The following ZMYND8 variants were observed in gnomAD, a reference collection of about 807,000 sequenced individuals.
The protein encoded by ZMYND8 is zinc finger MYND-type containing 8.
ZMYND8 carries 37 observed loss-of-function variants against 140.8 expected under a neutral mutation model. The ratio of observed to expected loss-of-function variants is 0.26; its 90% CI spans 0.20 to 0.35. The LOEUF is 0.35. ZMYND8 is among the 10% of genes least tolerant of loss of function. The pLI is 1.00. For synonymous variants in ZMYND8, 592 were observed against 597.1 expected, an observed-to-expected ratio of 0.99 and a Z score of 0.12; for missense variants, 1,068 against 1,570.0, an observed-to-expected ratio of 0.68 and a Z score of 5.40.
Position 47,294,704 on chromosome 20 carries a change from G to A in ZMYND8, c.529C>T (p.Leu177=). ...ATTTTCTGAATGGCAAACTTGAGCA[G>A]GTAGGATAACTGTTCAATGGTGAGC... ...TMLTIEQLSY[L]LKFAIQKMKQ... is the part of the protein sequence containing the mutation. The change falls in exon 5 of 23, where the codon CTG becomes TTG. Residue 177 remains leucine, a synonymous_variant. Coordinates refer to ENST00000471951, the MANE Select transcript of ZMYND8 (RefSeq NM_001281775.3). 6.2e-7 allele frequency: 1 copy of A among 1,614,164 alleles called. No individual in the cohort carries two copies. Among genetic ancestry groups the A allele is most frequent in the Non-Finnish European group, 8.5e-7 (1 of 1,180,020 alleles).
intron 2 of ZMYND8, among the ~76,000 whole-genome samples, chr20:47,317,597 G>T (rs1024398383): frequency 3.9e-5 from 6 of 152,240 alleles, no homozygotes; most frequent in African/African-American, 1.4e-4. Context: ...GCTGGGGCCT[G>T]AACGAAAAGA....
chr20:47,268,029 G>C (rs563960921), intron 11 of ZMYND8, among the ~76,000 whole-genome samples: 2 of 152,296 alleles, frequency 1.3e-5, no homozygotes, highest in East Asian at 3.9e-4. Flanking sequence ...GATCTGCGCT[G>C]GCCAGCAGGC....
intron 21 of ZMYND8, among the ~76,000 whole-genome samples, chr20:47,215,991 C>A (rs1395126462): frequency 2.0e-5 from 3 of 152,148 alleles, no homozygotes; most frequent in African/African-American, 7.2e-5. Context: ...AGAAATCTGG[C>A]TACAACAAAG....
In ZMYND8 at chr20:47,224,502, A is replaced by C; in HGVS notation, c.3071T>G (p.Ile1024Ser). 6.2e-7 allele frequency: 1 copy of C among 1,614,138 alleles called. No individual in the cohort carries two copies. The highest frequency in any genetic ancestry group is 8.5e-7 in the Non-Finnish European group (1 of 1,180,034). Residue 1024 changes from isoleucine (I) to serine (S), a missense_variant, in exon 19 of 23, where the codon ATC becomes AGC. Physicochemically the swap from Ile to Ser is moderately radical, Grantham distance 142. Around this residue, in one of 10 missense-constraint regions of ZMYND8, gnomAD observed 87 missense variants for 151.1 expected, o/e 0.58. Transcript: ENST00000471951. ...CTCCAGCTGCTTCTTCACCTCGGCG[A>C]TGAGCCGGTCCCGCTCCTGCTCCAG... ...QSLEQERDRL[I>S]AEVKKQLELE...
At chr20:47,300,884 TTGTGTGTG>T (rs200833449) in intron 3 of ZMYND8, among the ~76,000 whole-genome samples, 11,914 of 130,298 alleles carry the variant, frequency 0.091, 640 homozygotes, top group Non-Finnish European at 0.13. Context: ...ACAACTAATT[TTGTGTGTG>T]TGTGTGTGTG....
intron 1 of ZMYND8, among the ~76,000 whole-genome samples, chr20:47,350,624 A>G (rs998736301): frequency 3.3e-5 from 5 of 151,130 alleles, no homozygotes; most frequent in Non-Finnish European, 7.4e-5. Context: ...CATTTGGGGG[A>G]AAAAAAACAG....
chr20:47,253,519 A>G (rs2074354121), intron 12 of ZMYND8, among the ~76,000 whole-genome samples: 1 of 145,226 alleles, frequency 6.9e-6, no homozygotes, highest in Non-Finnish European at 1.5e-5. Context: ...CCTGGGCAAC[A>G]GAATGAGACT....
intron 21 of ZMYND8, 131 bp from the exon 22 acceptor site, chr20:47,212,856 A>C: frequency 1.3e-6 from 1 of 746,478 alleles, no homozygotes; most frequent in Non-Finnish European, 2.2e-6. Context: ...CATTCATGTC[A>C]CCATTGTCCA....
At chr20:47,216,187 A>G (rs1268638263) in intron 21 of ZMYND8, among the ~76,000 whole-genome samples, 1 of 152,074 alleles carries the variant, frequency 6.6e-6, no homozygotes, top group African/African-American at 2.4e-5. Context: ...TAAAAACAAA[A>G]AACTTGGGTC....
At chr20:47,244,198 A>G (rs1338056885) in intron 14 of ZMYND8, among the ~76,000 whole-genome samples, 1 of 152,210 alleles carries the variant, frequency 6.6e-6, no homozygotes, top group Non-Finnish European at 1.5e-5. Context: ...ATGGAGTTAC[A>G]TCTTATTCAA....
chr20:47,310,998 A>G (rs2078889095), intron 2 of ZMYND8, among the ~76,000 whole-genome samples: 1 of 152,194 alleles, frequency 6.6e-6, no homozygotes, highest in Non-Finnish European at 1.5e-5. Context: ...CGACTTGTCC[A>G]TGCCCATGCC....
At chr20:47,340,714 G>A (rs933462186) in intron 2 of ZMYND8, among the ~76,000 whole-genome samples, 3 of 151,894 alleles carry the variant, frequency 2.0e-5, no homozygotes, top group African/African-American at 7.3e-5. Flanking sequence ...TTGAACCCGG[G>A]AAATGAAGGT....
At chr20:47,312,312 T>C (rs2148239036) in intron 2 of ZMYND8, among the ~76,000 whole-genome samples, 1 of 152,254 alleles carries the variant, frequency 6.6e-6, no homozygotes, top group East Asian at 1.9e-4. Context: ...AGGAAGACAA[T>C]GAACACTTTC....
Position 47,345,776 on chromosome 20 carries a change from T to G in ZMYND8, c.85+2080A>C, listed in dbSNP as rs551579814. On this transcript the variant is annotated intron_variant, in intron 2 of 22. Transcript: ENST00000471951. Reference sequence around the variant, plus strand: ...CACCCGCCTCGCCCTCCCAAAGTGCTAAGATTACAGGCGTGAGCCAACGCA... The same window carrying G: ...CACCCGCCTCGCCCTCCCAAAGTGCGAAGATTACAGGCGTGAGCCAACGCA... Among the ~76,000 whole-genome samples, 9 of 144,202 alleles carry G rather than the reference T, an allele frequency of 6.2e-5. No homozygotes were observed. In the South Asian group the frequency reaches 1.9e-3, roughly 31 times the overall value. The allele number at this position is 144,202 out of a possible 152,430, so 94.6% of individuals were successfully genotyped here.
chr20:47,279,652 T>A (rs1261190606), intron 10 of ZMYND8, among the ~76,000 whole-genome samples: 1 of 152,102 alleles, frequency 6.6e-6, no homozygotes, highest in East Asian at 1.9e-4. Flanking sequence ...CTAGGCACTC[T>A]CTGACCTTAA....
Position 47,245,684 on chromosome 20 carries a change from A to T in ZMYND8, c.2284+324T>A, listed in dbSNP as rs1399374973. ...AAATAAATGAGCATATTGGAAAAGAAGCTGCTCAGACTAAAAATGACTTGG... is the reference window on the plus strand; with the variant it reads ...AAATAAATGAGCATATTGGAAAAGATGCTGCTCAGACTAAAAATGACTTGG... On this transcript the variant is annotated intron_variant, in intron 14 of 22. Coordinates refer to ENST00000471951, the MANE Select transcript of ZMYND8 (RefSeq NM_001281775.3). 2.6e-5 allele frequency among the ~76,000 whole-genome samples: 4 copies of T among 152,274 alleles called. No individual in the cohort carries two copies. In the East Asian group the frequency reaches 7.7e-4, roughly 29 times the overall value.
chr20:47,324,248 G>A (rs529356869), intron 2 of ZMYND8, among the ~76,000 whole-genome samples: 2 of 150,092 alleles, frequency 1.3e-5, no homozygotes, highest in East Asian at 2.0e-4. Flanking sequence ...CGGTCGTGGT[G>A]TCTCACGTCT....
At chr20:47,284,502 A>G (rs2076803750) in intron 8 of ZMYND8, among the ~76,000 whole-genome samples, 1 of 152,140 alleles carries the variant, frequency 6.6e-6, no homozygotes, top group Non-Finnish European at 1.5e-5. Flanking sequence ...GAAACTAACA[A>G]TGAAGTCTAA....
In ZMYND8 at chr20:47,212,742, G is replaced by C. The variant is rs2035469404; in HGVS notation, c.3485-17C>G. The C allele has an allele frequency of 1.9e-6, 3 of 1,598,818 alleles. No homozygotes were observed. Among genetic ancestry groups the C allele is most frequent in the Admixed American group, 3.4e-5 (2 of 58,916 alleles). On this transcript the variant is annotated splice_polypyrimidine_tract_variant and intron_variant, in intron 21 of 22. Coordinates refer to ENST00000471951, the MANE Select transcript of ZMYND8 (RefSeq NM_001281775.3). ...TTTTGCTAACTGAAGAGATAGCACAGGTAGCCTCAGAGTCTGTCAGAGAGC... is the reference window on the plus strand; with the variant it reads ...TTTTGCTAACTGAAGAGATAGCACACGTAGCCTCAGAGTCTGTCAGAGAGC...
Sources: allele counts gnomAD v4.1 joint callset (sites outside exome capture counted in the v4.1 genomes callset), GRCh38; gene constraint gnomAD v4.1.1; regional missense constraint gnomAD v4.1.1; transcripts MANE v1.5; gene names NCBI Gene and HGNC (gene_info 2026-07-23, HGNC 2026-07-21).